The following ASAP2 variants were observed in gnomAD, a reference collection of about 807,000 sequenced individuals.
ASAP2 encodes the protein arf-GAP with SH3 domain, ANK repeat and PH domain-containing protein 2.
A neutral mutation model predicts 131.4 loss-of-function variants in ASAP2; 45 were observed. The ratio of observed to expected loss-of-function variants is 0.34; its 90% confidence interval spans 0.27 to 0.44. ASAP2 has a LOEUF of 0.44. ASAP2 is among the 20% of genes least tolerant of loss of function. The pLI is 1.00. For synonymous variants in ASAP2, 510 were observed against 503.0 expected (o/e 1.01, Z -0.19); for missense variants, 1,011 against 1,297.0 (o/e 0.78, Z 3.39).
intron 11 of ASAP2, among the ~76,000 whole-genome samples, chr2:9,348,138 G>A (rs112284449): frequency 2.0e-5 from 3 of 150,838 alleles, no homozygotes; most frequent in East Asian, 3.9e-4. Context: ...TTGTTTGTTT[G>A]TTTTTTTCTT....
At chr2:9,270,926 G>A (rs1666333263) in intron 1 of ASAP2, among the ~76,000 whole-genome samples, 1 of 150,998 alleles carries the variant, frequency 6.6e-6, no homozygotes, top group African/African-American at 2.4e-5. Flanking sequence ...CCGAGTAGCT[G>A]GGACTACAGG....
At chr2:9,240,500 C>G (rs1026177765) in intron 1 of ASAP2, among the ~76,000 whole-genome samples, 1 of 152,130 alleles carries the variant, frequency 6.6e-6, no homozygotes, top group African/African-American at 2.4e-5. Flanking sequence ...CCTGCCTTGG[C>G]CTCCCAGAGT....
chr2:9,323,270 A>G lies in ASAP2; in HGVS notation c.600+20A>G. ...TGCGAGGTAAGGCGGTGGTGAAGGC[A>G]GGTCCTACAGCCCAGGCTGTGCCGG... On this transcript the variant is annotated intron_variant, in intron 6 of 27. Transcript: ENST00000281419. The G allele has an allele frequency of 6.2e-7, 1 of 1,613,886 alleles. No individual in the cohort carries two copies. The highest frequency in any genetic ancestry group is 8.5e-7 in the Non-Finnish European group (1 of 1,179,876).
intron 1 of ASAP2, among the ~76,000 whole-genome samples, chr2:9,263,625 C>T (rs905305522): frequency 2.6e-5 from 4 of 152,224 alleles, no homozygotes; most frequent in African/African-American, 7.2e-5. Flanking sequence ...CCGAAGCCTC[C>T]GAGGCACAGA....
intron 6 of ASAP2, among the ~76,000 whole-genome samples, chr2:9,326,528 G>A (rs1473847481): frequency 6.6e-6 from 1 of 151,886 alleles, no homozygotes; most frequent in Non-Finnish European, 1.5e-5. Flanking sequence ...AAAGAAAATT[G>A]GTTAATATAA....
chr2:9,261,257 T>A (rs1449327305), intron 1 of ASAP2, among the ~76,000 whole-genome samples: 1 of 152,172 alleles, frequency 6.6e-6, no homozygotes, highest in Non-Finnish European at 1.5e-5. Flanking sequence ...GAAGTGAGGC[T>A]GTTGGGAAGT....
At chr2:9,356,926 G>A (rs1672749666) in intron 14 of ASAP2, among the ~76,000 whole-genome samples, 2 of 152,166 alleles carry the variant, frequency 1.3e-5, no homozygotes, top group African/African-American at 4.8e-5. Flanking sequence ...TGTGATTTAA[G>A]GAATTTGCTT....
At chr2:9,354,865 A>G (rs73148774) in intron 12 of ASAP2, among the ~76,000 whole-genome samples, 236 of 152,302 alleles carry the variant, frequency 1.5e-3, no homozygotes, top group African/African-American at 5.3e-3. Context: ...GTGTCCACTC[A>G]CTTTTAGGAG....
At position 9,321,882 on chromosome 2, in the gene ASAP2, A is replaced by G. The variant is rs1298850108; in HGVS notation, c.471-1239A>G. ...TAAACTTGAAGTAATTGTAGGATAA[A>G]TAAAGGAAATAATTCTTTATTAATG... On this transcript the variant is annotated intron_variant, in intron 5 of 27. Transcript: ENST00000281419. 2.1e-4 allele frequency among the ~76,000 whole-genome samples: 32 copies of G among 152,228 alleles called. 1 individual carries two copies.
chr2:9,263,585 G>A (rs1665728158), intron 1 of ASAP2, among the ~76,000 whole-genome samples: 3 of 152,170 alleles, frequency 2.0e-5, no homozygotes, highest in South Asian at 2.1e-4. Flanking sequence ...GGATCCTGGC[G>A]AAGCCCATGA....
At chr2:9,398,419 G>A (rs1314821571) in intron 24 of ASAP2, among the ~76,000 whole-genome samples, 1 of 152,100 alleles carries the variant, frequency 6.6e-6, no homozygotes, top group Non-Finnish European at 1.5e-5. Flanking sequence ...GCTGAAGCGG[G>A]AGGATCACTT....
chr2:9,359,007 T>A, intron 15 of ASAP2, 118 bp downstream of exon 15: 1 of 1,264,602 alleles, frequency 7.9e-7, no homozygotes, highest in Admixed American at 2.4e-5. Flanking sequence ...GCCAGATTGG[T>A]TTGGATAATT....
At chr2:9,254,171 A>G (rs1277273245) in intron 1 of ASAP2, among the ~76,000 whole-genome samples, 2 of 130,104 alleles carry the variant, frequency 1.5e-5, no homozygotes, top group Admixed American at 1.8e-4. Context: ...GCACCACTGC[A>G]CTGCACTCCA....
intron 1 of ASAP2, among the ~76,000 whole-genome samples, chr2:9,273,748 T>G (rs897147028): frequency 6.6e-6 from 1 of 152,228 alleles, no homozygotes; most frequent in East Asian, 1.9e-4. Flanking sequence ...TTTATTGATC[T>G]GGGTGGTGTC....
At chr2:9,363,062 TG>T (rs1241758824) in intron 15 of ASAP2, among the ~76,000 whole-genome samples, 2 of 152,224 alleles carry the variant, frequency 1.3e-5, no homozygotes, top group East Asian at 3.8e-4. Context: ...TGTCTTTCTT[TG>T]CCTGGCTTAT....
intron 4 of ASAP2, among the ~76,000 whole-genome samples, chr2:9,319,399 G>A (rs1418836220): frequency 1.3e-5 from 2 of 152,252 alleles, no homozygotes; most frequent in South Asian, 2.1e-4. Context: ...CCTTCACAGA[G>A]TGTGCCCGGA....
intron 1 of ASAP2, among the ~76,000 whole-genome samples, chr2:9,231,663 G>A (rs371179006): frequency 2.0e-4 from 31 of 152,350 alleles, no homozygotes; most frequent in African/African-American, 7.2e-4. Flanking sequence ...CAGCGGGCCT[G>A]TCTGTCTGCC....
chr2:9,254,256 C>T lies in ASAP2; in HGVS notation c.127-25061C>T, dbSNP rs866957738. 5.7e-3 allele frequency among the ~76,000 whole-genome samples: 528 copies of T among 92,182 alleles called. 30 individuals carry two copies. The highest frequency in any genetic ancestry group is 0.026 in the African/African-American group (503 of 19,116). 60.5% of individuals were successfully genotyped at this position (92,182 alleles called of 152,430 possible). On this transcript the variant is annotated intron_variant, in intron 1 of 27. Transcript: ENST00000281419. ...AAAAAAATATATATATATATATATA[C>T]ACGTGTGTGTGTATGCATATATATA...
intron 18 of ASAP2, among the ~76,000 whole-genome samples, chr2:9,378,611 C>A (rs559223687): frequency 6.6e-6 from 1 of 152,234 alleles, no homozygotes; most frequent in Non-Finnish European, 1.5e-5. Context: ...GCCAGTGGGA[C>A]GTGAGAAGGA....
Sources: gnomAD v4.1 joint callset for allele counts (sites outside exome capture counted in the v4.1 genomes callset) on GRCh38, gnomAD v4.1.1 for gene constraint, MANE v1.5 for transcripts, NCBI Gene and HGNC (gene_info 2026-07-23, HGNC 2026-07-21) for gene names.